Variants in KIF6 observed in about 807,000 individuals in gnomAD.
KIF6 encodes the protein kinesin family member 6.
A neutral mutation model predicts 112.7 loss-of-function variants in KIF6; 106 were observed. The ratio of observed to expected loss-of-function variants is 0.94; its 90% CI spans 0.80 to 1.11. The LOEUF is 1.11. Ranked by LOEUF, KIF6 falls within the 50% of genes least tolerant of loss-of-function variation. The pLI, the probability that KIF6 is intolerant of heterozygous loss-of-function variation, is 0.00. For synonymous variants in KIF6, 339 were observed against 339.9 expected (o/e 1.00, Z 0.03); for missense variants, 929 against 964.0 (o/e 0.96, Z 0.48).
chr6:39,660,466 G>A (rs533377759), intron 3 of KIF6, among the ~76,000 whole-genome samples: 1 of 152,270 alleles, frequency 6.6e-6, no homozygotes, highest in African/African-American at 2.4e-5. Flanking sequence ...TAGTTGTGTT[G>A]TCAATGTCCC....
chr6:39,605,856 A>G (rs139401470), intron 6 of KIF6, among the ~76,000 whole-genome samples: 119 of 152,180 alleles, frequency 7.8e-4, no homozygotes, highest in African/African-American at 2.8e-3. Flanking sequence ...ACTTCAATAG[A>G]GGATGTCTTG....
chr6:39,657,539 T>C (rs1274153467), intron 3 of KIF6, among the ~76,000 whole-genome samples: 1 of 152,180 alleles, frequency 6.6e-6, no homozygotes, highest in Non-Finnish European at 1.5e-5. Flanking sequence ...TTCTCCCACA[T>C]TTTAACAAGC....
At chr6:39,558,812 C>G (rs1446204002) in intron 10 of KIF6, among the ~76,000 whole-genome samples, 2 of 152,150 alleles carry the variant, frequency 1.3e-5, no homozygotes, top group Non-Finnish European at 2.9e-5. Flanking sequence ...TTTAAATTTG[C>G]TTTTGCTTTT....
At chr6:39,529,123 C>T (rs373386532) in intron 13 of KIF6, among the ~76,000 whole-genome samples, 165 of 152,190 alleles carry the variant, frequency 1.1e-3, no homozygotes, top group African/African-American at 3.7e-3. Flanking sequence ...AGAACAAAAC[C>T]GGATGCTTAT....
intron 12 of KIF6, among the ~76,000 whole-genome samples, chr6:39,543,188 G>A (rs1035694506): frequency 2.6e-5 from 4 of 152,190 alleles, no homozygotes; most frequent in Non-Finnish European, 5.9e-5. Context: ...GTTGGTAGGA[G>A]TATTTAAAGG....
At chr6:39,347,641 A>G (rs1003147552) in intron 19 of KIF6, among the ~76,000 whole-genome samples, 1 of 152,124 alleles carries the variant, frequency 6.6e-6, no homozygotes, top group African/African-American at 2.4e-5. Flanking sequence ...CCCTCCTTTT[A>G]CACTCTGGGG....
chr6:39,462,348 C>T (rs147312359), intron 13 of KIF6, among the ~76,000 whole-genome samples: 2 of 152,254 alleles, frequency 1.3e-5, no homozygotes, highest in Non-Finnish European at 2.9e-5. Flanking sequence ...CACCATGAGG[C>T]AAACTCATAT....
At chr6:39,585,613 A>G (rs1781585917) in intron 8 of KIF6, among the ~76,000 whole-genome samples, 1 of 152,266 alleles carries the variant, frequency 6.6e-6, no homozygotes, top group Non-Finnish European at 1.5e-5. Context: ...CACTTAGACC[A>G]GAACCACATA....
At chr6:39,422,582 T>C (rs564293271) in intron 14 of KIF6, among the ~76,000 whole-genome samples, 1 of 152,278 alleles carries the variant, frequency 6.6e-6, no homozygotes, top group East Asian at 1.9e-4. Flanking sequence ...AGACGAACTC[T>C]GAAAGGCCCA....
intron 10 of KIF6, among the ~76,000 whole-genome samples, chr6:39,552,053 T>A (rs918222578): frequency 6.6e-6 from 1 of 152,206 alleles, no homozygotes; most frequent in Non-Finnish European, 1.5e-5. Context: ...CATTCCCAGG[T>A]GATCTGCATA....
intron 13 of KIF6, among the ~76,000 whole-genome samples, chr6:39,526,155 C>G (rs1777712788): frequency 6.6e-6 from 1 of 152,182 alleles, no homozygotes; most frequent in African/African-American, 2.4e-5. Context: ...ATACCAGAGT[C>G]ATGGGCTTCC....
In KIF6 at chr6:39,668,294, TA is replaced by T. The variant is rs1231367595; in HGVS notation, c.252-28538del. ...TTTAGGTTCTGAAGTTTTAAAAGGT[TA>T]AGTGTTCAACTGTACCTTAAATAAT... is the stretch of plus-strand genomic sequence containing the variant. On this transcript the variant is annotated intron_variant, in intron 3 of 22. Coordinates refer to ENST00000287152, the MANE Select transcript of KIF6 (RefSeq NM_145027.6). Among the ~76,000 whole-genome samples, 3 of 152,360 alleles carry T rather than the reference TA, an allele frequency of 2.0e-5. No individual in the cohort carries two copies. In the East Asian group the frequency reaches 5.8e-4, roughly 29 times the overall value.
chr6:39,463,091 A>G (rs1773575639), intron 13 of KIF6, among the ~76,000 whole-genome samples: 1 of 152,146 alleles, frequency 6.6e-6, no homozygotes, highest in African/African-American at 2.4e-5. Flanking sequence ...ATTTTGCCCA[A>G]CCCTCTCTAC....
chr6:39,346,114 T>C (rs190589771), intron 20 of KIF6, among the ~76,000 whole-genome samples: 21 of 36,908 alleles, frequency 5.7e-4, no homozygotes, highest in African/African-American at 4.4e-3. Context: ...CCCCTCCCTC[T>C]CCCTCTCCCT....
chr6:39,698,598 T>A (rs911017339), intron 3 of KIF6, among the ~76,000 whole-genome samples: 2 of 152,110 alleles, frequency 1.3e-5, no homozygotes, highest in African/African-American at 4.8e-5. Flanking sequence ...AAACTCAGAG[T>A]GAAAACACAG....
At chr6:39,689,350 G>T (rs186840197) in intron 3 of KIF6, among the ~76,000 whole-genome samples, 3 of 152,136 alleles carry the variant, frequency 2.0e-5, no homozygotes, top group Admixed American at 1.3e-4. Context: ...ATGAAAATTA[G>T]CTGAGTGTGG....
At chr6:39,460,450 A>G (rs1031171410) in intron 13 of KIF6, among the ~76,000 whole-genome samples, 8 of 138,210 alleles carry the variant, frequency 5.8e-5, no homozygotes, top group Non-Finnish European at 3.1e-5. Flanking sequence ...GGTGTAGCGC[A>G]CCAGCATGGC....
rs562229535 is a variant in KIF6, at chr6:39,438,153, T to C, written c.1646-6992A>G. ...ACGCTCGGCTAACTTTTTGTATTTT[T>C]AGTAGAGATGAGATTTCACCATGTT... is the stretch of plus-strand genomic sequence containing the variant. On this transcript the variant is annotated intron_variant, in intron 13 of 22. Coordinates refer to ENST00000287152, the MANE Select transcript of KIF6 (RefSeq NM_145027.6). Among the ~76,000 whole-genome samples the C allele has an allele frequency of 3.9e-5, 6 of 152,240 alleles. No individual in the cohort carries two copies. In the East Asian group the frequency reaches 1.2e-3, roughly 29 times the overall value.
chr6:39,569,120 A>G (rs928039365), intron 10 of KIF6, among the ~76,000 whole-genome samples: 1 of 152,166 alleles, frequency 6.6e-6, no homozygotes, highest in Non-Finnish European at 1.5e-5. Flanking sequence ...AGGATGAGTC[A>G]TGATTTTGAA....
Sources: allele counts gnomAD v4.1 joint callset (sites outside exome capture counted in the v4.1 genomes callset), GRCh38; gene constraint gnomAD v4.1.1; transcripts MANE v1.5; gene names NCBI Gene and HGNC (gene_info 2026-07-23, HGNC 2026-07-21).